TET1: variants seen among roughly 807,000 people sequenced by gnomAD.
TET1 encodes methylcytosine dioxygenase TET1.
A neutral mutation model predicts 148.7 loss-of-function variants in TET1; 13 were observed. The observed-to-expected ratio is 0.09, with a 90% CI of 0.06 to 0.14. The LOEUF is 0.14. TET1 is among the 10% of genes least tolerant of loss of function. The pLI, the probability that TET1 is intolerant of heterozygous loss-of-function variation, is 1.00. For missense variants in TET1, 2,182 were observed against 2,553.8 expected (o/e 0.85, Z 3.14); for synonymous variants, 907 against 937.2 (o/e 0.97, Z 0.59).
chr10:68,621,155 G>C (rs564836480), intron 3 of TET1, among the ~76,000 whole-genome samples: 20 of 152,270 alleles, frequency 1.3e-4, no homozygotes, highest in African/African-American at 4.8e-4. Flanking sequence ...AAAACAGTTG[G>C]CCAGGCATGG....
In TET1 at chr10:68,645,594, C is replaced by G. The variant is rs767442830; in HGVS notation, c.2865C>G (p.His955Gln). 3.1e-6 allele frequency: 5 copies of G among 1,614,178 alleles called. No homozygotes were observed. The South Asian group carries it at 4.4e-5, about 14-fold the overall frequency. ...NLQGEPPKLNHCPSLEKQSSC... is the reference protein window; with the variant it reads ...NLQGEPPKLNQCPSLEKQSSC... ...AGGGAGAGCCACCAAAACTTAATCA[C>G]TGTCCATCTTTGGAAAAACAAAGTT... Residue 955 changes from histidine to glutamine, a missense_variant, in exon 4 of 12, where the codon CAC becomes CAG. Physicochemically the swap from His to Gln is conservative, Grantham distance 24 (BLOSUM62 0). Around this residue, in one of 11 missense-constraint regions of TET1, gnomAD observed 582 missense variants for 599.5 expected, o/e 0.97. Transcript: ENST00000373644.
chr10:68,614,600 T>A (rs1449806188), intron 3 of TET1, among the ~76,000 whole-genome samples: 1 of 152,100 alleles, frequency 6.6e-6, no homozygotes, highest in Non-Finnish European at 1.5e-5. Context: ...CAACCTAACC[T>A]TCACCTCTTA....
rs1311493803 is a variant in TET1, at chr10:68,692,598, C to A, written c.*784C>A. ...TCTAATCATGTATATGGTTTGTGTT[C>A]TTTTACTGTGTCCTCTCACATTCAA... On this transcript the variant is annotated 3_prime_UTR_variant, in exon 12 of 12. Coordinates refer to ENST00000373644, the MANE Select transcript of TET1 (RefSeq NM_030625.3). 4.3e-6 allele frequency: 1 copy of A among 232,244 alleles called. No individual in the cohort carries two copies. Among genetic ancestry groups the A allele is most frequent in the Non-Finnish European group, 8.5e-6 (1 of 117,394 alleles). 14.4% of individuals were successfully genotyped at this position (232,244 alleles called of 1,614,324 possible). A position where few individuals can be genotyped will look rare whatever the true frequency, so the allele number is the denominator to read the frequency against.
intron 2 of TET1, among the ~76,000 whole-genome samples, chr10:68,579,897 CT>C (rs556786978): frequency 3.8e-4 from 58 of 151,906 alleles, no homozygotes; most frequent in African/African-American, 1.3e-3. Context: ...TCTCTCTCTT[CT>C]TTTTTTGAGA....
chr10:68,664,473 A>G (rs1243372851), intron 6 of TET1, among the ~76,000 whole-genome samples: 1 of 149,260 alleles, frequency 6.7e-6, no homozygotes, highest in African/African-American at 2.5e-5. Context: ...CAGTGGCGAG[A>G]TCTGGGCTTA....
intron 3 of TET1, among the ~76,000 whole-genome samples, chr10:68,624,099 C>CTTTTTTTTTT (rs773374173): frequency 2.0e-5 from 3 of 148,032 alleles, no homozygotes; most frequent in Non-Finnish European, 3.0e-5. Flanking sequence ...TTCTTTCTTT[C>CTTTTTTTTTT]TTTTCTTTTT....
chr10:68,624,944 C>T (rs1487966930), intron 3 of TET1, among the ~76,000 whole-genome samples: 1 of 151,190 alleles, frequency 6.6e-6, no homozygotes, highest in Non-Finnish European at 1.5e-5. Flanking sequence ...CCGTGTTAGC[C>T]AGGGTGGTCT....
At chr10:68,642,520 T>C (rs1052237901) in intron 3 of TET1, among the ~76,000 whole-genome samples, 1 of 152,134 alleles carries the variant, frequency 6.6e-6, no homozygotes, top group Non-Finnish European at 1.5e-5. Flanking sequence ...CATTTCTCTT[T>C]GGGGTTTTGA....
chr10:68,647,709 G>T (rs2054872313), intron 4 of TET1, among the ~76,000 whole-genome samples: 1 of 152,106 alleles, frequency 6.6e-6, no homozygotes, highest in South Asian at 2.1e-4. Context: ...ATATTTTTGT[G>T]TGTGTGAGAT....
At chr10:68,632,335 A>C in intron 3 of TET1, 12 of 1,528,594 alleles carry the variant, frequency 7.9e-6, no homozygotes, top group South Asian at 1.2e-5. Context: ...AAAAAAAGAA[A>C]GGGTGCAGGG....
At chr10:68,648,689 T>C (rs142487252) in intron 4 of TET1, among the ~76,000 whole-genome samples, 65 of 152,344 alleles carry the variant, frequency 4.3e-4, no homozygotes, top group African/African-American at 1.5e-3. Flanking sequence ...GTAATAATAT[T>C]GAATTCTTGT....
chr10:68,598,252 G>A (rs1049949447), intron 2 of TET1, among the ~76,000 whole-genome samples: 21 of 152,174 alleles, frequency 1.4e-4, no homozygotes, highest in Admixed American at 1.1e-3. Context: ...TTAGCCAGGC[G>A]TGATGGCGCA....
chr10:68,580,313 AT>A (rs1163318028), intron 2 of TET1, among the ~76,000 whole-genome samples: 6,696 of 59,864 alleles, frequency 0.11, 81 homozygotes, highest in East Asian at 0.15. Context: ...ATTATATTCA[AT>A]TTTTTTTTTT....
At chr10:68,635,698 A>AG (rs2133045293) in intron 3 of TET1, among the ~76,000 whole-genome samples, 1 of 152,264 alleles carries the variant, frequency 6.6e-6, no homozygotes, top group East Asian at 1.9e-4. Context: ...TTTGCTTTAG[A>AG]GTCCTCTAGG....
intron 3 of TET1, among the ~76,000 whole-genome samples, chr10:68,638,810 T>TGG (rs2054694885): frequency 7.3e-6 from 1 of 136,354 alleles, no homozygotes; most frequent in Non-Finnish European, 1.6e-5. Flanking sequence ...TGTGTGTGTG[T>TGG]GGTGGAGGGG....
Position 68,667,110 on chromosome 10 carries a change from C to T in TET1, c.4527C>T (p.His1509=), listed in dbSNP as rs766924294. ...TGGTCCGGCAGCGTACAGGCCACCA[C>T]TGTCCAACTGCTGTGATGGTGGTGC... ...LCLVRQRTGH[H]CPTAVMVVLI... is the part of the protein sequence containing the mutation. The change falls in exon 7 of 12, where the codon CAC becomes CAT. Residue 1509 remains histidine (H), a synonymous_variant. Transcript: ENST00000373644. 2 of 1,614,202 alleles carry T rather than the reference C, an allele frequency of 1.2e-6. No individual in the cohort carries two copies. Among genetic ancestry groups the T allele is most frequent in the East Asian group, 2.2e-5 (1 of 44,884 alleles).
chr10:68,683,568 A>T (rs915644479), intron 10 of TET1, among the ~76,000 whole-genome samples: 4 of 151,122 alleles, frequency 2.6e-5, no homozygotes, highest in Non-Finnish European at 1.5e-5. Flanking sequence ...GTGAGTCACC[A>T]CGCCCAGCCA....
chr10:68,560,829 C>T (rs556247685), intron 1 of TET1, 87 bp downstream of exon 1: 19 of 152,664 alleles, frequency 1.2e-4, no homozygotes, highest in Non-Finnish European at 2.5e-4. Context: ...AGGCGGCGCT[C>T]GGCGCGGGCT....
At chr10:68,605,387 C>A (rs550709697) in intron 3 of TET1, among the ~76,000 whole-genome samples, 1 of 152,146 alleles carries the variant, frequency 6.6e-6, no homozygotes, top group Non-Finnish European at 1.5e-5. Flanking sequence ...GTAGGAGAAT[C>A]ACTTGAATCC....
Sources: gnomAD v4.1 joint callset for allele counts (sites outside exome capture counted in the v4.1 genomes callset) on GRCh38, gnomAD v4.1.1 for gene constraint, gnomAD v4.1.1 regional missense constraint, MANE v1.5 for transcripts, NCBI Gene and HGNC (gene_info 2026-07-23, HGNC 2026-07-21) for gene names.